Variants in FGD4 observed in about 807,000 individuals in gnomAD.
FGD4 encodes FYVE, RhoGEF and PH domain-containing protein 4.
In FGD4, 42 loss-of-function variants were observed where a neutral mutation model predicts 102.0. The ratio of observed to expected loss-of-function variants is 0.41; its 90% CI spans 0.32 to 0.53. The LOEUF (loss-of-function observed/expected upper bound fraction) is 0.53, where lower values mean the gene tolerates loss of function less well. Among genes scored for constraint, FGD4 ranks in the 20% least tolerant of loss-of-function variants. The pLI is 0.21. For synonymous variants in FGD4, 380 were observed against 375.7 expected (o/e 1.01, Z -0.13); for missense variants, 902 against 1,078.2 (o/e 0.84, Z 2.29).
intron 1 of FGD4, chr12:32,534,333 G>T: frequency 7.0e-7 from 1 of 1,422,792 alleles, no homozygotes; most frequent in Non-Finnish European, 9.2e-7. Context: ...TAGTGCATTG[G>T]TCTGAGCTCC....
At chr12:32,594,800 A>T (rs1947748932) in intron 4 of FGD4, among the ~76,000 whole-genome samples, 1 of 152,176 alleles carries the variant, frequency 6.6e-6, no homozygotes, top group African/African-American at 2.4e-5. Flanking sequence ...GGGAGGCCAA[A>T]GCAGGCGGAA....
intron 1 of FGD4, among the ~76,000 whole-genome samples, chr12:32,476,507 A>G (rs1943587854): frequency 6.6e-6 from 1 of 152,112 alleles, no homozygotes; most frequent in Non-Finnish European, 1.5e-5. Flanking sequence ...TGGGACCTTA[A>G]TTCTCCTCCA....
chr12:32,581,592 C>T (rs1166073708), intron 3 of FGD4, among the ~76,000 whole-genome samples: 2 of 152,018 alleles, frequency 1.3e-5, no homozygotes, highest in Admixed American at 6.5e-5. Flanking sequence ...ATGATAAATA[C>T]GTAAGTATTA....
Position 32,506,641 on chromosome 12 carries a change from GGA to G in FGD4, c.167-57495_167-57494del, listed in dbSNP as rs2136649238. On this transcript the variant is annotated intron_variant, in intron 1 of 16. Coordinates refer to ENST00000534526, the MANE Select transcript of FGD4 (RefSeq NM_001370298.3). The surrounding 1 kb of genome is among the most constrained non-coding windows in gnomAD (Gnocchi z 4.5). ...CAACCCACAGGCACCTCCTTGCCCA[GGA>G]CCACCCCACCCCCTAAGGAGACATT... Among the ~76,000 whole-genome samples, 2 of 152,234 alleles carry G rather than the reference GGA, an allele frequency of 1.3e-5. No homozygotes were observed. Among genetic ancestry groups the G allele is most frequent in the East Asian group, 3.9e-4 (2 of 5,188 alleles).
chr12:32,638,985 T>G, intron 16 of FGD4, 190 bp downstream of exon 16: 1 of 1,428,208 alleles, frequency 7.0e-7, no homozygotes, highest in Non-Finnish European at 9.2e-7. Flanking sequence ...CTATATTTTC[T>G]TCAGTTTGTG....
At chr12:32,619,054 G>A (rs948060527) in intron 10 of FGD4, among the ~76,000 whole-genome samples, 2 of 152,140 alleles carry the variant, frequency 1.3e-5, no homozygotes, top group African/African-American at 2.4e-5. Context: ...AACTTACAAA[G>A]TTAAGAAATT....
chr12:32,550,520 A>C (rs1296341230), intron 1 of FGD4, among the ~76,000 whole-genome samples: 1 of 151,790 alleles, frequency 6.6e-6, no homozygotes, highest in East Asian at 1.9e-4. Context: ...ATATTTTTTA[A>C]AAATTAGCCG....
At chr12:32,533,676 C>T (rs991477450) in intron 1 of FGD4, among the ~76,000 whole-genome samples, 4 of 152,314 alleles carry the variant, frequency 2.6e-5, no homozygotes, top group African/African-American at 4.8e-5. Context: ...CCACCCACCT[C>T]GGCGTGCCAA....
chr12:32,605,476 C>T (rs1205650906), intron 7 of FGD4, among the ~76,000 whole-genome samples: 1 of 152,280 alleles, frequency 6.6e-6, no homozygotes, highest in East Asian at 1.9e-4. Flanking sequence ...TCTTTTCATA[C>T]TTTTCAGTGA....
intron 14 of FGD4, among the ~76,000 whole-genome samples, chr12:32,631,146 A>AT (rs749917331): frequency 3.9e-4 from 60 of 152,210 alleles, no homozygotes; most frequent in Non-Finnish European, 5.6e-4. Context: ...TATTGCTAAT[A>AT]TTTAAATGTA....
In FGD4 at chr12:32,606,162, C is replaced by T. The variant is rs143281160; in HGVS notation, c.1405-1795C>T. On this transcript the variant is annotated intron_variant, in intron 7 of 16. Coordinates refer to ENST00000534526, the MANE Select transcript of FGD4 (RefSeq NM_001370298.3). ...TGTACGTAATAGATTTTGGGAAAAC[C>T]CAATGAGATATTTAAATTTATATAA... 2.0e-4 allele frequency among the ~76,000 whole-genome samples: 30 copies of T among 152,198 alleles called. No homozygotes were observed. In the East Asian group the frequency reaches 4.4e-3, roughly 22 times the overall value.
chr12:32,563,871 C>T (rs989059969), intron 1 of FGD4, among the ~76,000 whole-genome samples: 21 of 152,200 alleles, frequency 1.4e-4, no homozygotes, highest in African/African-American at 4.6e-4. Context: ...CATGGCGGCG[C>T]GGGCATGTAA....
In FGD4 at chr12:32,422,288, C is replaced by CT. The variant is rs770560590; in HGVS notation, c.166+22357dup. Reference sequence around the variant, plus strand: ...TTGAAGCATCTCAAATTGGGAGCTGCTTTTTTTTTTTTTTTTTTTTTTTTT... The same window carrying CT: ...TTGAAGCATCTCAAATTGGGAGCTGCTTTTTTTTTTTTTTTTTTTTTTTTTT... On this transcript the variant is annotated intron_variant, in intron 1 of 16. Coordinates refer to ENST00000534526, the MANE Select transcript of FGD4 (RefSeq NM_001370298.3). 8.2e-3 allele frequency among the ~76,000 whole-genome samples: 442 copies of CT among 54,166 alleles called. 128 individuals are homozygous for CT. Among genetic ancestry groups the CT allele is most frequent in the Non-Finnish European group, 0.011 (331 of 30,236 alleles). 35.5% of individuals were successfully genotyped at this position (54,166 alleles called of 152,430 possible). A position where few individuals can be genotyped will look rare whatever the true frequency, so the allele number is the denominator to read the frequency against.
chr12:32,560,841 C>T (rs1004864615), intron 1 of FGD4, among the ~76,000 whole-genome samples: 7 of 151,878 alleles, frequency 4.6e-5, no homozygotes, highest in Non-Finnish European at 7.4e-5. Flanking sequence ...CACAAGCGCG[C>T]ACCACCATGC....
intron 1 of FGD4, among the ~76,000 whole-genome samples, chr12:32,507,381 A>T (rs1938878859): frequency 6.6e-6 from 1 of 152,132 alleles, no homozygotes; most frequent in South Asian, 2.1e-4. Flanking sequence ...GCAGATGTTT[A>T]TCTAGGGCAG....
intron 3 of FGD4, among the ~76,000 whole-genome samples, chr12:32,581,031 A>G (rs1946574513): frequency 1.3e-5 from 2 of 152,184 alleles, no homozygotes; most frequent in South Asian, 4.1e-4. Context: ...ATGTGGAGTT[A>G]GTGATGGAGA....
chr12:32,461,623 A>T (rs1943105865), intron 1 of FGD4, among the ~76,000 whole-genome samples: 1 of 152,194 alleles, frequency 6.6e-6, no homozygotes, highest in Admixed American at 6.5e-5. Context: ...GAATTTCAAG[A>T]ATGTTGTACA....
At chr12:32,573,952 A>G (rs1381400214) in intron 2 of FGD4, among the ~76,000 whole-genome samples, 8 of 152,108 alleles carry the variant, frequency 5.3e-5, no homozygotes, top group East Asian at 1.9e-4. Context: ...CTTGTGGAGG[A>G]AAAAAAACCT....
At chr12:32,418,508 C>A (rs1316537272) in intron 1 of FGD4, among the ~76,000 whole-genome samples, 1 of 152,092 alleles carries the variant, frequency 6.6e-6, no homozygotes, top group Non-Finnish European at 1.5e-5. Flanking sequence ...TGGAAGAATT[C>A]TCTGGATTAC....
Sources: gnomAD v4.1 joint callset for allele counts (sites outside exome capture counted in the v4.1 genomes callset) on GRCh38, gnomAD v4.1.1 for gene constraint, Gnocchi (gnomAD v3.1) non-coding constraint, MANE v1.5 for transcripts, NCBI Gene and HGNC (gene_info 2026-07-23, HGNC 2026-07-21) for gene names.